The following RNF111 variants were observed in gnomAD, a reference collection of about 807,000 sequenced individuals.
The protein encoded by RNF111 is E3 ubiquitin-protein ligase Arkadia.
A neutral mutation model predicts 95.1 loss-of-function variants in RNF111; 17 were observed. The observed-to-expected ratio is 0.18, with a 90% confidence interval of 0.12 to 0.27. The LOEUF is 0.27. Among genes scored for constraint, RNF111 ranks in the 10% least tolerant of loss-of-function variants. RNF111 has a pLI of 1.00. For missense variants in RNF111, 1,189 were observed against 1,210.4 expected (o/e 0.98, Z 0.26); for synonymous variants, 440 against 414.8 (o/e 1.06, Z -0.74).
intron 1 of RNF111, among the ~76,000 whole-genome samples, chr15:58,992,186 A>G (rs1162539873): frequency 1.3e-5 from 2 of 152,182 alleles, no homozygotes; most frequent in Non-Finnish European, 2.9e-5. Flanking sequence ...CTGGGATTAC[A>G]GGAGCGCGCC....
intron 2 of RNF111, among the ~76,000 whole-genome samples, chr15:59,034,399 C>T (rs959205052): frequency 3.3e-5 from 5 of 152,134 alleles, no homozygotes; most frequent in African/African-American, 7.2e-5. Context: ...TTAAATTCCT[C>T]GATGCTAATG....
intron 1 of RNF111, among the ~76,000 whole-genome samples, chr15:59,005,233 C>T (rs1239629702): frequency 6.6e-6 from 1 of 152,124 alleles, no homozygotes; most frequent in Non-Finnish European, 1.5e-5. Flanking sequence ...ACCTATGTTG[C>T]CTAGGCTGAT....
intron 1 of RNF111, among the ~76,000 whole-genome samples, chr15:58,999,046 G>C (rs200822277): frequency 6.6e-6 from 1 of 152,160 alleles, no homozygotes; most frequent in East Asian, 1.9e-4. Context: ...CCTTTGTAAA[G>C]TTTTGGGGTA....
chr15:58,993,017 A>G (rs1364367405), intron 1 of RNF111, among the ~76,000 whole-genome samples: 1 of 151,658 alleles, frequency 6.6e-6, no homozygotes, highest in Non-Finnish European at 1.5e-5. Context: ...AAAAAATACA[A>G]AAAGTAGCCG....
At chr15:59,070,263 C>G (rs1207180137) in intron 6 of RNF111, among the ~76,000 whole-genome samples, 2 of 151,828 alleles carry the variant, frequency 1.3e-5, no homozygotes, top group Non-Finnish European at 2.9e-5. Flanking sequence ...CCTTGATTGT[C>G]CTTCGGGAAT....
At chr15:59,061,248 C>T (rs1356089971) in intron 5 of RNF111, among the ~76,000 whole-genome samples, 2 of 152,194 alleles carry the variant, frequency 1.3e-5, no homozygotes, top group African/African-American at 4.8e-5. Flanking sequence ...ATGGGCCTCT[C>T]TTAAGGTCAA....
intron 1 of RNF111, among the ~76,000 whole-genome samples, chr15:58,990,572 C>T (rs1362370951): frequency 6.6e-6 from 1 of 152,198 alleles, no homozygotes; most frequent in Admixed American, 6.5e-5. Context: ...ATGGCTTGAA[C>T]CTCGGAGGCG....
At chr15:58,989,233 C>G (rs1368065716) in intron 1 of RNF111, among the ~76,000 whole-genome samples, 6 of 152,148 alleles carry the variant, frequency 3.9e-5, no homozygotes, top group Admixed American at 1.3e-4. Flanking sequence ...TCACCCTAGT[C>G]TGGTTATATT....
At chr15:59,092,241 A>G (rs2079074428) in intron 12 of RNF111, among the ~76,000 whole-genome samples, 1 of 152,234 alleles carries the variant, frequency 6.6e-6, no homozygotes, top group Non-Finnish European at 1.5e-5. Flanking sequence ...GGATAAAAAT[A>G]GTTTATATTG....
At chr15:58,996,943 C>G (rs2039102321) in intron 1 of RNF111, among the ~76,000 whole-genome samples, 1 of 152,022 alleles carries the variant, frequency 6.6e-6, no homozygotes, top group Non-Finnish European at 1.5e-5. Context: ...CATTTTAGCT[C>G]TCAAAAATTA....
chr15:59,062,096 A>C (rs1273871783), intron 5 of RNF111, among the ~76,000 whole-genome samples: 1 of 135,804 alleles, frequency 7.4e-6, no homozygotes, highest in Non-Finnish European at 1.5e-5. Flanking sequence ...TTGCTTTGTC[A>C]CGTAGGCTAG....
intron 2 of RNF111, among the ~76,000 whole-genome samples, chr15:59,038,866 C>A (rs2041310625): frequency 6.6e-6 from 1 of 152,156 alleles, no homozygotes; most frequent in Non-Finnish European, 1.5e-5. Flanking sequence ...TGTTGTCATT[C>A]TGATCCTTCC....
At chr15:59,048,238 T>C (rs2041807184) in intron 2 of RNF111, among the ~76,000 whole-genome samples, 1 of 152,238 alleles carries the variant, frequency 6.6e-6, no homozygotes, top group Non-Finnish European at 1.5e-5. Context: ...GGATAAAGTA[T>C]GTTATATCCA....
intron 2 of RNF111, among the ~76,000 whole-genome samples, chr15:59,036,785 T>TA (rs2041200893): frequency 6.6e-6 from 1 of 152,236 alleles, no homozygotes; most frequent in African/African-American, 2.4e-5. Flanking sequence ...CAGTTGTATA[T>TA]AATTAACTGA....
At chr15:59,037,364 A>T (rs1475089636) in intron 2 of RNF111, among the ~76,000 whole-genome samples, 1 of 152,166 alleles carries the variant, frequency 6.6e-6, no homozygotes, top group African/African-American at 2.4e-5. Flanking sequence ...AGAACTCCAG[A>T]TATTTAAAAT....
chr15:59,066,416 G>A (rs1438256001), intron 5 of RNF111, among the ~76,000 whole-genome samples: 1 of 152,128 alleles, frequency 6.6e-6, no homozygotes, highest in East Asian at 1.9e-4. Context: ...TTCAAGACCA[G>A]CCTGACCAAC....
At chr15:59,051,147 G>C (rs1421695784) in intron 2 of RNF111, among the ~76,000 whole-genome samples, 1 of 152,102 alleles carries the variant, frequency 6.6e-6, no homozygotes, top group Admixed American at 6.6e-5. Flanking sequence ...AGAAAAGAAC[G>C]GGCATTTAAA....
At chr15:59,053,440 T>C (rs1363985534) in intron 3 of RNF111, among the ~76,000 whole-genome samples, 1 of 152,244 alleles carries the variant, frequency 6.6e-6, no homozygotes, top group Admixed American at 6.5e-5. Context: ...CATTTGCTTA[T>C]TGCATGTTAA....
intron 8 of RNF111, among the ~76,000 whole-genome samples, chr15:59,082,544 A>G (rs1359179569): frequency 2.6e-5 from 4 of 152,192 alleles, no homozygotes; most frequent in Non-Finnish European, 1.5e-5. Context: ...TCAGCAAACT[A>G]TTGGTCTAAT....
Sources: gnomAD v4.1 joint callset for allele counts (sites outside exome capture counted in the v4.1 genomes callset) on GRCh38, gnomAD v4.1.1 for gene constraint, MANE v1.5 for transcripts, NCBI Gene and HGNC (gene_info 2026-07-23, HGNC 2026-07-21) for gene names.